Variants in LHPP observed in about 807,000 individuals in gnomAD.
The protein encoded by LHPP is hLHPP.
A neutral mutation model predicts 30.3 loss-of-function variants in LHPP; 24 were observed. The ratio of observed to expected loss-of-function variants is 0.79; its 90% confidence interval spans 0.57 to 1.11. LHPP has a LOEUF of 1.11. LHPP is among the 50% of genes most tolerant of loss of function. The probability of loss-of-function intolerance (pLI) is 0.00; values close to 1 mark genes in which losing one functional copy is unlikely to be tolerated. For missense variants in LHPP, 356 were observed against 367.2 expected, an observed-to-expected ratio of 0.97 and a Z score of 0.25; for synonymous variants, 150 against 157.1, an observed-to-expected ratio of 0.95 and a Z score of 0.34.
At position 124,496,434 on chromosome 10, in the gene LHPP, G is replaced by C. The variant is rs1014516752; in HGVS notation, c.468-527G>C. Reference sequence around the variant, plus strand: ...AAGGAACAGTTGTCTTCTCATAAAAGCATCTGGCGCCCATGAAACCTGGCA... The same window carrying C: ...AAGGAACAGTTGTCTTCTCATAAAACCATCTGGCGCCCATGAAACCTGGCA... On this transcript the variant is annotated intron_variant, in intron 3 of 6. Transcript: ENST00000368842. The surrounding 1 kb of genome is among the most constrained non-coding windows in gnomAD (Gnocchi z 4.3). Among the ~76,000 whole-genome samples, 7 of 152,318 alleles carry C rather than the reference G, an allele frequency of 4.6e-5. No homozygotes were observed. The highest frequency in any genetic ancestry group is 8.8e-5 in the Non-Finnish European group (6 of 68,028).
chr10:124,487,709 G>T (rs1444650630), intron 2 of LHPP, among the ~76,000 whole-genome samples: 1 of 152,070 alleles, frequency 6.6e-6, no homozygotes, highest in Non-Finnish European at 1.5e-5. Flanking sequence ...CTCCCAAAGT[G>T]CTGGGATTAC....
At chr10:124,476,878 A>C (rs940933142) in intron 1 of LHPP, among the ~76,000 whole-genome samples, 1 of 152,164 alleles carries the variant, frequency 6.6e-6, no homozygotes, top group Non-Finnish European at 1.5e-5. Flanking sequence ...TGAAAATTAG[A>C]CAGTGGCTAG....
intron 4 of LHPP, among the ~76,000 whole-genome samples, chr10:124,497,287 CCCCA>C (rs758962342): frequency 0.5 from 50,397 of 100,112 alleles, 11,178 homozygotes; most frequent in Middle Eastern, 0.6. Flanking sequence ...TCCCCATCCT[CCCCA>C]TCCTCCAGTG....
intron 5 of LHPP, among the ~76,000 whole-genome samples, chr10:124,504,307 C>A (rs899784294): frequency 6.6e-6 from 1 of 151,166 alleles, no homozygotes; most frequent in Non-Finnish European, 1.5e-5. Flanking sequence ...GAAAATAAGA[C>A]CTGGCCAGGT....
chr10:124,574,299 G>A (rs995037154), intron 6 of LHPP, among the ~76,000 whole-genome samples: 3 of 152,150 alleles, frequency 2.0e-5, no homozygotes, highest in Non-Finnish European at 4.4e-5. Context: ...GGCGTGAGCC[G>A]GGAGCATCGC....
intron 1 of LHPP, among the ~76,000 whole-genome samples, chr10:124,473,193 CATGA>C (rs1034235234): frequency 6.6e-6 from 1 of 152,154 alleles, no homozygotes; most frequent in African/African-American, 2.4e-5. Context: ...TTACAAAGCT[CATGA>C]ATGGAGTCCT....
intron 1 of LHPP, among the ~76,000 whole-genome samples, chr10:124,469,379 C>T (rs890282854): frequency 3.9e-5 from 6 of 152,000 alleles, no homozygotes; most frequent in South Asian, 2.1e-4. Context: ...CCACGGAGCA[C>T]GGGGGAAGTA....
intron 6 of LHPP, among the ~76,000 whole-genome samples, chr10:124,542,404 C>T (rs1253123446): frequency 6.6e-6 from 1 of 152,244 alleles, no homozygotes; most frequent in Non-Finnish European, 1.5e-5. Flanking sequence ...TTAGGACCCA[C>T]CTGAGGGGAT....
intron 6 of LHPP, among the ~76,000 whole-genome samples, chr10:124,569,893 C>A (rs755195636): frequency 3.9e-5 from 6 of 152,172 alleles, no homozygotes; most frequent in Non-Finnish European, 8.8e-5. Flanking sequence ...ACCCGTGTAA[C>A]CCCCACACAG....
intron 6 of LHPP, among the ~76,000 whole-genome samples, chr10:124,584,318 T>A (rs1948775582): frequency 6.8e-6 from 1 of 147,194 alleles, no homozygotes; most frequent in Admixed American, 6.9e-5. Context: ...TGAACCATGA[T>A]CCACTATTGC....
At chr10:124,539,701 A>C (rs1955132118) in intron 6 of LHPP, among the ~76,000 whole-genome samples, 1 of 147,340 alleles carries the variant, frequency 6.8e-6, no homozygotes, top group Admixed American at 7.0e-5. Context: ...GTGCCACTGC[A>C]CTCTAGCCTG....
At chr10:124,484,380 G>C (rs1306277271) in intron 2 of LHPP, 54 bp downstream of exon 2, 2 of 1,536,372 alleles carry the variant, frequency 1.3e-6, no homozygotes, top group Admixed American at 1.7e-5. Context: ...CCTTTCCCAG[G>C]GTGGGGGCTG....
At chr10:124,603,133 C>T (rs1233745361) in intron 6 of LHPP, among the ~76,000 whole-genome samples, 1 of 152,202 alleles carries the variant, frequency 6.6e-6, no homozygotes, top group African/African-American at 2.4e-5. Flanking sequence ...TGTAGTGCTG[C>T]CTGCGGGCGG....
chr10:124,606,886 C>T (rs543327803), intron 6 of LHPP, among the ~76,000 whole-genome samples: 10 of 152,364 alleles, frequency 6.6e-5, no homozygotes, highest in African/African-American at 2.4e-4. Flanking sequence ...AGGCCCCTGC[C>T]CCTGTTCCTG....
intron 6 of LHPP, among the ~76,000 whole-genome samples, chr10:124,594,034 G>A (rs1948912732): frequency 6.6e-6 from 1 of 152,146 alleles, no homozygotes; most frequent in East Asian, 1.9e-4. Context: ...TTATTATTAC[G>A]CACATTTTAA....
chr10:124,600,556 G>A (rs1949007954), intron 6 of LHPP, among the ~76,000 whole-genome samples: 1 of 152,262 alleles, frequency 6.6e-6, no homozygotes, highest in Admixed American at 6.5e-5. Context: ...TCTGGGTGCT[G>A]CAACCTAGGT....
chr10:124,485,759 C>G (rs1953306500), intron 2 of LHPP, among the ~76,000 whole-genome samples: 1 of 152,028 alleles, frequency 6.6e-6, no homozygotes, highest in African/African-American at 2.4e-5. Context: ...TGCCACCACG[C>G]CCGCCTAATT....
At chr10:124,472,722 T>C (rs1295733483) in intron 1 of LHPP, among the ~76,000 whole-genome samples, 4 of 152,096 alleles carry the variant, frequency 2.6e-5, no homozygotes, top group African/African-American at 9.7e-5. Flanking sequence ...CACGTCTGGC[T>C]AACTTTTGTA....
At chr10:124,473,013 A>G (rs962817500) in intron 1 of LHPP, among the ~76,000 whole-genome samples, 1 of 151,800 alleles carries the variant, frequency 6.6e-6, no homozygotes, top group African/African-American at 2.4e-5. Flanking sequence ...CTCTGCTGGC[A>G]GGAGTAAGGT....
Sources: allele counts gnomAD v4.1 joint callset (sites outside exome capture counted in the v4.1 genomes callset), GRCh38; gene constraint gnomAD v4.1.1; non-coding constraint Gnocchi (gnomAD v3.1); transcripts MANE v1.5; gene names NCBI Gene and HGNC (gene_info 2026-07-23, HGNC 2026-07-21).